Variants in PSD3 observed in about 807,000 individuals in gnomAD.
PSD3 encodes the protein pleckstrin and Sec7 domain containing 3, also known as PH and SEC7 domain-containing protein 3.
In PSD3, 49 loss-of-function variants were observed where a neutral mutation model predicts 105.5. The observed-to-expected ratio is 0.46, with a 90% CI of 0.37 to 0.59. PSD3 has a LOEUF of 0.59. Among genes scored for constraint, PSD3 ranks in the 20% least tolerant of loss-of-function variants. The probability of loss-of-function intolerance (pLI) is 0.00; values close to 1 mark genes in which losing one functional copy is unlikely to be tolerated. For synonymous variants in PSD3, 557 were observed against 457.8 expected, an observed-to-expected ratio of 1.22 and a Z score of -2.77; for missense variants, 1,561 against 1,263.8, an observed-to-expected ratio of 1.24 and a Z score of -3.57.
chr8:18,558,889 AAAGGCTTTC>A (rs1801234249), intron 14 of PSD3, among the ~76,000 whole-genome samples: 1 of 152,228 alleles, frequency 6.6e-6, no homozygotes, highest in Non-Finnish European at 1.5e-5. Flanking sequence ...AAAACTAATT[AAAGGCTTTC>A]TTTTGTAATT....
At chr8:18,684,530 G>T (rs1001855761) in intron 9 of PSD3, among the ~76,000 whole-genome samples, 1 of 152,092 alleles carries the variant, frequency 6.6e-6, no homozygotes, top group Non-Finnish European at 1.5e-5. Flanking sequence ...AGACACAAAG[G>T]CATCTCAATG....
chr8:18,657,211 A>C (rs916174984), intron 9 of PSD3, among the ~76,000 whole-genome samples: 1 of 152,224 alleles, frequency 6.6e-6, no homozygotes, highest in Non-Finnish European at 1.5e-5. Flanking sequence ...TTCGCCCTTA[A>C]CATTGTCTCA....
intron 9 of PSD3, among the ~76,000 whole-genome samples, chr8:18,714,521 T>TC (rs1563193266): frequency 1.1e-4 from 17 of 150,942 alleles, no homozygotes; most frequent in African/African-American, 3.9e-4. Context: ...AAGAAACTTA[T>TC]GAAAAAAACC....
At chr8:18,728,139 G>C (rs1803469882) in intron 9 of PSD3, among the ~76,000 whole-genome samples, 2 of 151,988 alleles carry the variant, frequency 1.3e-5, no homozygotes, top group East Asian at 1.9e-4. Flanking sequence ...TATAGGTTCA[G>C]GTCAAGTCCC....
intron 1 of PSD3, among the ~76,000 whole-genome samples, chr8:18,964,882 A>G (rs1586540719): frequency 6.6e-6 from 1 of 152,328 alleles, no homozygotes; most frequent in East Asian, 1.9e-4. Context: ...TGTGGCCTTC[A>G]GGTCAGACTT....
intron 9 of PSD3, among the ~76,000 whole-genome samples, chr8:18,676,936 G>A (rs1292018906): frequency 6.6e-6 from 1 of 152,176 alleles, no homozygotes; most frequent in Admixed American, 6.5e-5. Context: ...GGAAGCCAAA[G>A]AGCCTGCGGT....
intron 1 of PSD3, among the ~76,000 whole-genome samples, chr8:19,031,566 AG>A (rs949234367): frequency 6.7e-6 from 1 of 150,192 alleles, no homozygotes; most frequent in African/African-American, 2.4e-5. Context: ...ATCTGAAAAA[AG>A]TATCAAACAC....
intron 11 of PSD3, among the ~76,000 whole-genome samples, chr8:18,607,463 T>C (rs1804926607): frequency 6.6e-6 from 1 of 152,082 alleles, no homozygotes; most frequent in Non-Finnish European, 1.5e-5. Context: ...TATGACCACC[T>C]TCCTCTCACC....
chr8:19,072,742 A>G lies in PSD3; in HGVS notation c.324+11464T>C, dbSNP rs62495959. Among the ~76,000 whole-genome samples the G allele has an allele frequency of 6.4e-3, 975 of 152,286 alleles. 1 individual carries two copies. Among genetic ancestry groups the G allele is most frequent in the Non-Finnish European group, 0.012 (814 of 68,028 alleles). On this transcript the variant is annotated intron_variant, in intron 1 of 1. Transcript: ENST00000521475. The stretch of plus-strand genomic sequence containing the variant: ...TCGGGTGGATGGAGGACTGGCAATC[A>G]AAGCAGGGAGGCTCTCCAGGGTCTG...
chr8:18,941,428 G>A (rs1212527216), intron 1 of PSD3, among the ~76,000 whole-genome samples: 4 of 84,024 alleles, frequency 4.8e-5, no homozygotes, highest in African/African-American at 1.7e-4. Context: ...CTTCACTACG[G>A]GAGCAGTAAC....
exon 1 of PSD3, chr8:19,084,352 C>G (rs112591307): frequency 2.2e-6 from 1 of 456,260 alleles, no homozygotes; most frequent in East Asian, 6.9e-5. Flanking sequence ...CAGGTCTCGG[C>G]GCCTCTCCTC....
chr8:18,817,170 T>C (rs1812284945), intron 4 of PSD3, among the ~76,000 whole-genome samples: 1 of 152,186 alleles, frequency 6.6e-6, no homozygotes, highest in Non-Finnish European at 1.5e-5. Flanking sequence ...GTCAATCACT[T>C]GGAAGCTTCA....
chr8:18,620,360 T>TTTTTTTTTTTTC (rs1554524298), intron 11 of PSD3, among the ~76,000 whole-genome samples: 1 of 149,890 alleles, frequency 6.7e-6, no homozygotes, highest in African/African-American at 2.5e-5. Flanking sequence ...TTTTTTTTTT[T>TTTTTTTTTTTTC]CCCCAGGCTG....
chr8:18,677,950 C>T (rs151277004), intron 9 of PSD3, among the ~76,000 whole-genome samples: 3 of 148,938 alleles, frequency 2.0e-5, no homozygotes, highest in African/African-American at 5.0e-5. Context: ...GCAGAGCTTG[C>T]AGTGAGCCGA....
intron 2 of PSD3, among the ~76,000 whole-genome samples, chr8:18,923,678 G>A (rs539142358): frequency 4.3e-4 from 65 of 152,278 alleles, no homozygotes; most frequent in Non-Finnish European, 7.2e-4. Flanking sequence ...TACTATCTAG[G>A]TTTGCGTAAG....
At chr8:18,679,656 G>A (rs1304867339) in intron 9 of PSD3, among the ~76,000 whole-genome samples, 1 of 152,136 alleles carries the variant, frequency 6.6e-6, no homozygotes, top group Non-Finnish European at 1.5e-5. Flanking sequence ...GAGTCTTGGG[G>A]AGGTGAAGTA....
At chr8:18,923,396 T>C (rs1190095077) in intron 2 of PSD3, among the ~76,000 whole-genome samples, 1 of 152,124 alleles carries the variant, frequency 6.6e-6, no homozygotes, top group African/African-American at 2.4e-5. Flanking sequence ...ACATACCACT[T>C]TGAAAATCCT....
chr8:18,979,380 T>C (rs1036021255), intron 1 of PSD3, among the ~76,000 whole-genome samples: 2 of 152,190 alleles, frequency 1.3e-5, no homozygotes, highest in East Asian at 1.9e-4. Context: ...GCCAAGTGAG[T>C]TTTCTCTTAG....
intron 2 of PSD3, among the ~76,000 whole-genome samples, chr8:18,929,975 T>C (rs919757296): frequency 6.6e-6 from 1 of 152,188 alleles, no homozygotes; most frequent in African/African-American, 2.4e-5. Context: ...TGGAAGATCG[T>C]ACTTTAAAAT....
Sources: gnomAD v4.1 joint callset for allele counts (sites outside exome capture counted in the v4.1 genomes callset) on GRCh38, gnomAD v4.1.1 for gene constraint, MANE v1.5 for transcripts, NCBI Gene and HGNC (gene_info 2026-07-23, HGNC 2026-07-21) for gene names.